The following DPP10 variants were observed in gnomAD, a reference collection of about 807,000 sequenced individuals.
DPP10 encodes the protein inactive dipeptidyl peptidase 10.
DPP10 carries 33 observed loss-of-function variants against 120.9 expected under a neutral mutation model. The observed-to-expected ratio is 0.27, with a 90% CI of 0.21 to 0.37. The LOEUF (loss-of-function observed/expected upper bound fraction) is 0.37. Ranked by LOEUF, DPP10 falls within the 10% of genes least tolerant of loss-of-function variation. DPP10 has a pLI of 1.00. For synonymous variants in DPP10, 337 were observed against 326.1 expected (o/e 1.03, Z -0.36); for missense variants, 816 against 942.8 (o/e 0.87, Z 1.76).
chr2:115,003,033 A>G (rs1410012795), intron 1 of DPP10, among the ~76,000 whole-genome samples: 1 of 152,034 alleles, frequency 6.6e-6, no homozygotes, highest in African/African-American at 2.4e-5. Context: ...AGGACTACAT[A>G]TTGTTTTATC....
intron 1 of DPP10, among the ~76,000 whole-genome samples, chr2:115,218,712 T>G (rs2056970218): frequency 6.6e-6 from 1 of 152,116 alleles, no homozygotes; most frequent in African/African-American, 2.4e-5. Context: ...CTGGAAAGAC[T>G]TATAATAAGA....
intron 5 of DPP10, among the ~76,000 whole-genome samples, chr2:115,663,429 T>A (rs576590670): frequency 6.6e-6 from 1 of 152,290 alleles, no homozygotes; most frequent in South Asian, 2.1e-4. Flanking sequence ...AACTTTTCAT[T>A]GCGCTAGTCT....
chr2:114,606,030 G>T (rs556665538), intron 1 of DPP10, among the ~76,000 whole-genome samples: 1 of 152,070 alleles, frequency 6.6e-6, no homozygotes, highest in African/African-American at 2.4e-5. Flanking sequence ...TCTCCCAAAT[G>T]TTGAAATAAC....
At chr2:115,651,775 A>T (rs897510589) in intron 5 of DPP10, among the ~76,000 whole-genome samples, 1 of 152,092 alleles carries the variant, frequency 6.6e-6, no homozygotes, top group African/African-American at 2.4e-5. Context: ...TGTAAAGAGA[A>T]TAAGCAGATA....
chr2:114,801,274 A>G (rs1234209067), intron 1 of DPP10, among the ~76,000 whole-genome samples: 3 of 90,706 alleles, frequency 3.3e-5, no homozygotes, highest in East Asian at 5.3e-4. Flanking sequence ...AAAAAAAAAA[A>G]AAAAAGAAAA....
chr2:115,688,034 A>AAG (rs70941088), intron 5 of DPP10, among the ~76,000 whole-genome samples: 20,513 of 150,246 alleles, frequency 0.14, 1,506 homozygotes, highest in Non-Finnish European at 0.16. Context: ...GAGAGAGAAA[A>AAG]AGAGAGAGAG....
intron 1 of DPP10, among the ~76,000 whole-genome samples, chr2:114,881,602 A>ATCTG (rs1691646480): frequency 1.3e-5 from 1 of 74,600 alleles, no homozygotes; most frequent in Non-Finnish European, 3.8e-5. Context: ...CTGTCTGTCT[A>ATCTG]TCTATCTATC....
chr2:114,815,884 T>A (rs1420971096), intron 1 of DPP10, among the ~76,000 whole-genome samples: 1 of 35,566 alleles, frequency 2.8e-5, no homozygotes, highest in African/African-American at 1.2e-4. Flanking sequence ...TTTTCTTAGT[T>A]TTTTTTTTTT....
chr2:114,910,343 T>C (rs1475143637), intron 1 of DPP10, among the ~76,000 whole-genome samples: 1 of 151,940 alleles, frequency 6.6e-6, no homozygotes, highest in Non-Finnish European at 1.5e-5. Context: ...TAATGGATAA[T>C]TTGGCCCTTG....
intron 1 of DPP10, among the ~76,000 whole-genome samples, chr2:115,249,761 C>T (rs545398457): frequency 2.0e-5 from 3 of 152,094 alleles, no homozygotes; most frequent in African/African-American, 7.2e-5. Flanking sequence ...AAAATGATGC[C>T]TACTGTTAAG....
At chr2:115,566,046 C>A (rs2080991642) in intron 5 of DPP10, among the ~76,000 whole-genome samples, 1 of 151,996 alleles carries the variant, frequency 6.6e-6, no homozygotes, top group African/African-American at 2.4e-5. Context: ...CTCGGCCTCC[C>A]AAAGTGCTGT....
intron 1 of DPP10, among the ~76,000 whole-genome samples, chr2:114,866,285 AACT>A (rs1173507480): frequency 2.0e-5 from 3 of 152,016 alleles, no homozygotes; most frequent in Non-Finnish European, 4.4e-5. Flanking sequence ...AGAAAAGAAA[AACT>A]ACTATTTATT....
At chr2:114,463,811 C>A (rs551772267) in intron 1 of DPP10, among the ~76,000 whole-genome samples, 6 of 152,160 alleles carry the variant, frequency 3.9e-5, no homozygotes, top group Non-Finnish European at 7.4e-5. Flanking sequence ...TGTCTCCCTC[C>A]CCAAACCCCT....
chr2:115,545,030 G>A (rs928538033), intron 5 of DPP10, among the ~76,000 whole-genome samples: 4 of 151,880 alleles, frequency 2.6e-5, no homozygotes, highest in African/African-American at 9.7e-5. Flanking sequence ...AGAGGGGATG[G>A]TAGAATACCT....
At chr2:115,804,108 T>G (rs1277956458) in intron 19 of DPP10, among the ~76,000 whole-genome samples, 1 of 152,176 alleles carries the variant, frequency 6.6e-6, no homozygotes, top group Non-Finnish European at 1.5e-5. Flanking sequence ...AGTCCCATAT[T>G]TCTTGGAGGC....
chr2:114,700,863 C>T (rs1489805988), intron 1 of DPP10, among the ~76,000 whole-genome samples: 1 of 152,102 alleles, frequency 6.6e-6, no homozygotes, highest in Non-Finnish European at 1.5e-5. Context: ...GGAATTTACA[C>T]ACAGGATTTG....
At chr2:115,377,486 C>G (rs1255255097) in intron 3 of DPP10, among the ~76,000 whole-genome samples, 2 of 152,056 alleles carry the variant, frequency 1.3e-5, no homozygotes, top group African/African-American at 4.8e-5. Flanking sequence ...CAAAAATTTC[C>G]TCCCATTCTG....
intron 19 of DPP10, among the ~76,000 whole-genome samples, chr2:115,798,472 A>G (rs1684793212): frequency 6.6e-6 from 1 of 152,062 alleles, no homozygotes; most frequent in Non-Finnish European, 1.5e-5. Context: ...TTTAAATAAT[A>G]TATTCTTTCC....
rs564989670 is a variant in DPP10, at chr2:115,599,544, G to A, written c.441+73572G>A. 2.6e-5 allele frequency among the ~76,000 whole-genome samples: 4 copies of A among 151,914 alleles called. No homozygotes were observed. In the South Asian group the frequency reaches 8.3e-4, roughly 31 times the overall value. On this transcript the variant is annotated intron_variant, in intron 5 of 25. Transcript: ENST00000410059. ...TCTTTTTTATATTGTCTGTATCTTT[G>A]CTAAGATTTTATACTCTACCTTGAA...
Sources: allele counts gnomAD v4.1 joint callset (sites outside exome capture counted in the v4.1 genomes callset), GRCh38; gene constraint gnomAD v4.1.1; transcripts MANE v1.5; gene names NCBI Gene and HGNC (gene_info 2026-07-23, HGNC 2026-07-21).